Variants in IL34 observed in about 807,000 individuals in gnomAD.
IL34 encodes the protein interleukin 34, also known as interleukin-34.
In IL34, 17 loss-of-function variants were observed where a neutral mutation model predicts 25.3. The observed-to-expected ratio is 0.67, with a 90% CI of 0.46 to 1.01. IL34 has a LOEUF of 1.01. IL34 is among the 50% of genes least tolerant of loss of function. The pLI is 0.00. For missense variants in IL34, 368 were observed against 312.9 expected (o/e 1.18, Z -1.33); for synonymous variants, 174 against 140.9 (o/e 1.23, Z -1.66).
chr16:70,590,552 G>T (rs1408325925), intron 1 of IL34, among the ~76,000 whole-genome samples: 4 of 152,090 alleles, frequency 2.6e-5, no homozygotes, highest in Non-Finnish European at 5.9e-5. Flanking sequence ...GGGCAGCCGG[G>T]TGGGAAGGCT....
chr16:70,635,422 GCCTGTTGGAGGC>G (rs1567456107), intron 1 of IL34, among the ~76,000 whole-genome samples: 1 of 152,178 alleles, frequency 6.6e-6, no homozygotes, highest in Non-Finnish European at 1.5e-5. Flanking sequence ...AAGCACAAAG[GCCTGTTGGAGGC>G]CCTTTGTCTA....
chr16:70,603,159 G>A (rs2050943827), intron 1 of IL34, among the ~76,000 whole-genome samples: 1 of 152,164 alleles, frequency 6.6e-6, no homozygotes, highest in Non-Finnish European at 1.5e-5. Context: ...GCAAAAACAA[G>A]GAAATGTAAG....
chr16:70,620,782 C>T (rs976517809), intron 1 of IL34, among the ~76,000 whole-genome samples: 1 of 152,040 alleles, frequency 6.6e-6, no homozygotes. Context: ...GAACTACTGT[C>T]GAGTTTGTAT....
At chr16:70,659,551 G>A (rs1334061623) in intron 4 of IL34, 67 bp from the exon 5 acceptor site, 71 of 1,533,894 alleles carry the variant, frequency 4.6e-5, no homozygotes, top group Non-Finnish European at 6.1e-5. Flanking sequence ...TGACTGGACA[G>A]CCCTCACGGC....
At chr16:70,619,079 T>G (rs951203987) in intron 1 of IL34, among the ~76,000 whole-genome samples, 2 of 152,162 alleles carry the variant, frequency 1.3e-5, no homozygotes, top group Non-Finnish European at 2.9e-5. Flanking sequence ...CTGAACTAAC[T>G]TGTAAGGCTT....
intron 1 of IL34, among the ~76,000 whole-genome samples, chr16:70,619,270 G>A (rs2051227761): frequency 6.6e-6 from 1 of 152,132 alleles, no homozygotes. Context: ...AGGGGTGCAT[G>A]ATCGGTCGCC....
intron 1 of IL34, among the ~76,000 whole-genome samples, chr16:70,640,930 T>A (rs1360150012): frequency 6.6e-6 from 1 of 152,138 alleles, no homozygotes; most frequent in Non-Finnish European, 1.5e-5. Context: ...AGGCTGAATG[T>A]ACATACAGGG....
In IL34 at chr16:70,591,002, C is replaced by G. The variant is rs909256570; in HGVS notation, c.-401+10953C>G. On this transcript the variant is annotated intron_variant, in intron 1 of 6. Transcript: ENST00000429149. ...CTGCTCTGTGCAGTCAGACCCGGCC[C>G]CGGCCCCAGCCTGCTCGGGTCTCCG... Among the ~76,000 whole-genome samples the G allele has an allele frequency of 4.6e-5, 7 of 152,268 alleles. 1 individual carries two copies. Among genetic ancestry groups the G allele is most frequent in the African/African-American group, 1.7e-4 (7 of 41,562 alleles).
chr16:70,629,130 AATC>A (rs776319617), intron 1 of IL34, among the ~76,000 whole-genome samples: 22 of 152,220 alleles, frequency 1.4e-4, no homozygotes, highest in Non-Finnish European at 2.9e-4. Context: ...CTAGATTTAT[AATC>A]ATCTCATGTA....
intron 1 of IL34, among the ~76,000 whole-genome samples, chr16:70,639,340 T>G (rs930332767): frequency 2.0e-5 from 3 of 152,340 alleles, no homozygotes; most frequent in East Asian, 1.9e-4. Flanking sequence ...ACTGTCTGAT[T>G]TCAGGCAGAG....
rs1290580590 is a variant in IL34 at position 70,652,757 on chromosome 16, G to T, written c.29-1781G>T. Among the ~76,000 whole-genome samples the T allele has an allele frequency of 5.3e-5, 8 of 152,094 alleles. 1 individual carries two copies. Among genetic ancestry groups the T allele is most frequent in the African/African-American group, 1.7e-4 (7 of 41,396 alleles). On this transcript the variant is annotated intron_variant, in intron 1 of 5. Coordinates refer to ENST00000288098, the MANE Select transcript of IL34 (RefSeq NM_001393494.1). ...TTTATTCCTAGAAGTGTATTTACTGGGTGAAAGAGTATAGACATTTTTAAG... is the reference window on the plus strand; with the variant it reads ...TTTATTCCTAGAAGTGTATTTACTGTGTGAAAGAGTATAGACATTTTTAAG...
intron 1 of IL34, among the ~76,000 whole-genome samples, chr16:70,624,064 A>G (rs2051337733): frequency 6.6e-6 from 1 of 152,234 alleles, no homozygotes; most frequent in African/African-American, 2.4e-5. Flanking sequence ...TCAGCCGCTA[A>G]GCCGAGAAGG....
intron 1 of IL34, among the ~76,000 whole-genome samples, chr16:70,627,442 C>G (rs544710829): frequency 3.2e-4 from 45 of 140,016 alleles, no homozygotes; most frequent in African/African-American, 1.2e-3. Context: ...CCCTCCCCCT[C>G]CGCTCCCCTC....
intron 1 of IL34, among the ~76,000 whole-genome samples, chr16:70,638,823 C>G (rs1394070415): frequency 2.6e-5 from 4 of 152,156 alleles, no homozygotes; most frequent in Admixed American, 6.5e-5. Flanking sequence ...CTCAAGCGAT[C>G]CTCTTGCCTC....
chr16:70,641,195 C>T (rs140454600), intron 1 of IL34, among the ~76,000 whole-genome samples: 46 of 152,200 alleles, frequency 3.0e-4, no homozygotes, highest in South Asian at 2.1e-4. Context: ...ATCACTTGGA[C>T]CTGGGAGGCA....
intron 1 of IL34, among the ~76,000 whole-genome samples, chr16:70,584,324 C>T (rs770504517): frequency 1.3e-5 from 2 of 152,202 alleles, no homozygotes; most frequent in African/African-American, 4.8e-5. Flanking sequence ...GCCTGGACAG[C>T]TCCGTCTGTG....
intron 1 of IL34, among the ~76,000 whole-genome samples, chr16:70,600,988 T>G (rs2050907673): frequency 1.4e-5 from 2 of 143,162 alleles, no homozygotes; most frequent in South Asian, 2.2e-4. Flanking sequence ...CTGGGAGAAG[T>G]AGGGGATGCT....
At chr16:70,643,481 C>G (rs1182770170), upstream of IL34, among the ~76,000 whole-genome samples, 1 of 152,232 alleles carries the variant, frequency 6.6e-6, no homozygotes, top group Non-Finnish European at 1.5e-5. Context: ...AGTGATCCTC[C>G]CATCTCAGCC....
chr16:70,653,970 C>G (rs1030504956), intron 1 of IL34: 1 of 152,184 alleles, frequency 6.6e-6, no homozygotes, highest in Non-Finnish European at 1.5e-5. Context: ...AGTATGAGAT[C>G]TGCTTAACGT....
Sources: allele counts gnomAD v4.1 joint callset (sites outside exome capture counted in the v4.1 genomes callset), GRCh38; gene constraint gnomAD v4.1.1; transcripts MANE v1.5; gene names NCBI Gene and HGNC (gene_info 2026-07-23, HGNC 2026-07-21).